Variants in DCLK1 observed in about 807,000 individuals in gnomAD.
The protein encoded by DCLK1 is serine/threonine-protein kinase DCLK1.
DCLK1 carries 16 observed loss-of-function variants against 86.2 expected under a neutral mutation model. That is an observed-to-expected ratio of 0.19 (90% confidence interval 0.13 to 0.28). The LOEUF (loss-of-function observed/expected upper bound fraction) is 0.28, where lower values mean the gene tolerates loss of function less well. DCLK1 is among the 10% of genes least tolerant of loss of function. DCLK1 has a pLI of 1.00. For missense variants in DCLK1, 590 were observed against 940.2 expected, an observed-to-expected ratio of 0.63 and a Z score of 4.87; for synonymous variants, 369 against 370.5, an observed-to-expected ratio of 1.00 and a Z score of 0.05.
chr13:35,862,312 A>T (rs1871460205), intron 5 of DCLK1, among the ~76,000 whole-genome samples: 1 of 152,152 alleles, frequency 6.6e-6, no homozygotes, highest in South Asian at 2.1e-4. Flanking sequence ...TCCTCATCCA[A>T]CAAACCTGCT....
chr13:35,860,557 G>A (rs959469564), intron 5 of DCLK1, among the ~76,000 whole-genome samples: 3 of 152,228 alleles, frequency 2.0e-5, no homozygotes, highest in African/African-American at 4.8e-5. Context: ...AGAGGAGAGG[G>A]AGACAGGGAC....
chr13:35,880,854 T>C (rs1872849847), intron 4 of DCLK1, among the ~76,000 whole-genome samples: 3 of 152,196 alleles, frequency 2.0e-5, no homozygotes, highest in African/African-American at 2.4e-5. Flanking sequence ...AAGCTCCACT[T>C]TGGCTGGCTC....
intron 3 of DCLK1, among the ~76,000 whole-genome samples, chr13:35,997,710 AC>A (rs1804883957): frequency 1.3e-5 from 2 of 152,184 alleles, no homozygotes; most frequent in South Asian, 4.1e-4. Flanking sequence ...ATATAAAAGA[AC>A]TTCCCCCCAA....
chr13:36,035,768 T>G (rs1179517427), intron 3 of DCLK1, among the ~76,000 whole-genome samples: 1 of 152,150 alleles, frequency 6.6e-6, no homozygotes, highest in Non-Finnish European at 1.5e-5. Context: ...CAAAAGTACG[T>G]ACATACTTTT....
chr13:35,946,106 G>A (rs1456319497), intron 4 of DCLK1, among the ~76,000 whole-genome samples: 2 of 152,120 alleles, frequency 1.3e-5, no homozygotes, highest in Non-Finnish European at 2.9e-5. Context: ...TGACTTCCCT[G>A]GGCTTAGATG....
intron 7 of DCLK1, among the ~76,000 whole-genome samples, chr13:35,837,474 C>A (rs1310913588): frequency 1.3e-5 from 2 of 152,094 alleles, no homozygotes; most frequent in African/African-American, 4.8e-5. Context: ...AAAGAAGCCA[C>A]AATTTTGCCT....
intron 3 of DCLK1, among the ~76,000 whole-genome samples, chr13:35,997,760 T>C (rs371517901): frequency 6.6e-6 from 1 of 152,242 alleles, no homozygotes; most frequent in Non-Finnish European, 1.5e-5. Context: ...CAGCAAAGTA[T>C]GCTTCTCATG....
At chr13:35,788,142 G>T in intron 16 of DCLK1, 2 of 1,409,780 alleles carry the variant, frequency 1.4e-6, no homozygotes, top group South Asian at 1.2e-5. Context: ...TCCACCGAAG[G>T]AACTGGTTAA....
At chr13:35,833,379 T>A (rs762312468) in intron 8 of DCLK1, among the ~76,000 whole-genome samples, 61 of 152,296 alleles carry the variant, frequency 4.0e-4, no homozygotes, top group Non-Finnish European at 6.8e-4. Context: ...TCATTAGAGC[T>A]TTTCTGCTCT....
chr13:35,954,713 T>C (rs1593764272), intron 3 of DCLK1, among the ~76,000 whole-genome samples: 1 of 152,170 alleles, frequency 6.6e-6, no homozygotes, highest in Admixed American at 6.5e-5. Flanking sequence ...TCTCTGGATC[T>C]TGGCCAGAGG....
At chr13:35,775,990 C>T (rs2086418404) in intron 16 of DCLK1, among the ~76,000 whole-genome samples, 1 of 152,180 alleles carries the variant, frequency 6.6e-6, no homozygotes, top group Non-Finnish European at 1.5e-5. Context: ...TGCTCTACTT[C>T]AGAAACTATC....
At chr13:35,901,259 G>T (rs1874338288) in intron 4 of DCLK1, among the ~76,000 whole-genome samples, 1 of 152,100 alleles carries the variant, frequency 6.6e-6, no homozygotes, top group South Asian at 2.1e-4. Context: ...GGCCAATGCA[G>T]GTGGATCACT....
chr13:35,875,903 A>G (rs1872561045), intron 4 of DCLK1, among the ~76,000 whole-genome samples: 1 of 152,104 alleles, frequency 6.6e-6, no homozygotes, highest in African/African-American at 2.4e-5. Context: ...AGAGAGATGA[A>G]ATGACTTGCA....
intron 4 of DCLK1, among the ~76,000 whole-genome samples, chr13:35,875,687 G>T (rs76794535): frequency 6.6e-6 from 1 of 152,238 alleles, no homozygotes; most frequent in Non-Finnish European, 1.5e-5. Flanking sequence ...TTATTAATCA[G>T]TCAGAATTAT....
chr13:35,786,025 C>T (rs1267053048), intron 16 of DCLK1, among the ~76,000 whole-genome samples: 1 of 152,112 alleles, frequency 6.6e-6, no homozygotes, highest in Non-Finnish European at 1.5e-5. Context: ...TGTTACTGCC[C>T]CAGCTGGAAA....
intron 4 of DCLK1, among the ~76,000 whole-genome samples, chr13:35,895,287 TAAAAA>T (rs71196594): frequency 7.1e-6 from 1 of 140,344 alleles, no homozygotes; most frequent in Non-Finnish European, 1.6e-5. Context: ...ACAGGAAAGG[TAAAAA>T]AAAAAAAAAA....
intron 5 of DCLK1, among the ~76,000 whole-genome samples, chr13:35,861,224 T>C (rs1040917850): frequency 5.9e-5 from 9 of 151,724 alleles, no homozygotes; most frequent in Admixed American, 2.6e-4. Flanking sequence ...GAGTTGGTGA[T>C]GATTTGGGGT....
At chr13:35,855,641 C>G in intron 5 of DCLK1, 1 of 1,487,730 alleles carries the variant, frequency 6.7e-7, no homozygotes, top group Non-Finnish European at 9.1e-7. Context: ...ATGGCTAAGG[C>G]TGCTCCCAGA....
At chr13:35,927,474 A>T (rs992203079) in intron 4 of DCLK1, among the ~76,000 whole-genome samples, 1 of 152,170 alleles carries the variant, frequency 6.6e-6, no homozygotes, top group Admixed American at 6.5e-5. Flanking sequence ...AGTCTCTGAT[A>T]AGTTCATTGT....
Sources: allele counts gnomAD v4.1 joint callset (sites outside exome capture counted in the v4.1 genomes callset), GRCh38; gene constraint gnomAD v4.1.1; transcripts MANE v1.5; gene names NCBI Gene and HGNC (gene_info 2026-07-23, HGNC 2026-07-21).